The following CEP76 variants were observed in gnomAD, a reference collection of about 807,000 sequenced individuals.
CEP76 encodes centrosomal protein of 76 kDa.
CEP76 carries 55 observed loss-of-function variants against 83.3 expected under a neutral mutation model. That is an observed-to-expected ratio of 0.66 (90% CI 0.53 to 0.83). The LOEUF (loss-of-function observed/expected upper bound fraction) is 0.83. CEP76 is among the 40% of genes least tolerant of loss of function. The pLI, the probability that CEP76 is intolerant of heterozygous loss-of-function variation, is 0.00. For missense variants in CEP76, 694 were observed against 799.5 expected (o/e 0.87, Z 1.59); for synonymous variants, 270 against 274.5 (o/e 0.98, Z 0.16).
chr18:12,682,017 A>G (rs965226121), intron 8 of CEP76, among the ~76,000 whole-genome samples: 1 of 152,066 alleles, frequency 6.6e-6, no homozygotes, highest in Non-Finnish European at 1.5e-5. Context: ...AGAAAAAAAG[A>G]AAAGAAAATA....
At chr18:12,666,922 C>T (rs1204553595) in intron 12 of CEP76, among the ~76,000 whole-genome samples, 2 of 151,898 alleles carry the variant, frequency 1.3e-5, no homozygotes, top group Non-Finnish European at 2.9e-5. Flanking sequence ...AAAAGTAAAT[C>T]TTATTCATAA....
At chr18:12,702,414 C>G in intron 1 of CEP76, 72 bp downstream of exon 1, 1 of 1,223,582 alleles carries the variant, frequency 8.2e-7, no homozygotes, top group Non-Finnish European at 1.2e-6. Context: ...CGCTGTCGGC[C>G]CGGGGCCGCC....
At chr18:12,695,835 AAC>A (rs1568030509) in intron 5 of CEP76, among the ~76,000 whole-genome samples, 1 of 148,522 alleles carries the variant, frequency 6.7e-6, no homozygotes, top group African/African-American at 2.5e-5. Context: ...AGCAACTGTT[AAC>A]ACCTCATTCC....
At chr18:12,701,698 TC>T (rs2040155962) in intron 1 of CEP76, among the ~76,000 whole-genome samples, 1 of 152,142 alleles carries the variant, frequency 6.6e-6, no homozygotes, top group African/African-American at 2.4e-5. Flanking sequence ...AACTGGAGGT[TC>T]TTCTGGAGCT....
At chr18:12,688,654 T>G (rs1247998125) in intron 7 of CEP76, among the ~76,000 whole-genome samples, 1 of 152,208 alleles carries the variant, frequency 6.6e-6, no homozygotes, top group Non-Finnish European at 1.5e-5. Flanking sequence ...AACCTCTGAA[T>G]GGGCACTGTC....
chr18:12,689,783 T>C (rs565319625), intron 7 of CEP76, among the ~76,000 whole-genome samples: 1 of 152,168 alleles, frequency 6.6e-6, no homozygotes, highest in Admixed American at 6.6e-5. Context: ...TATATATGTA[T>C]ATTTTTTGTC....
At chr18:12,690,923 T>A (rs914795412) in intron 7 of CEP76, among the ~76,000 whole-genome samples, 2 of 150,568 alleles carry the variant, frequency 1.3e-5, no homozygotes, top group Non-Finnish European at 3.0e-5. Context: ...TAACAAAAAA[T>A]ATATATATGC....
At chr18:12,691,112 G>C (rs2039743168) in intron 7 of CEP76, 2 of 350,430 alleles carry the variant, frequency 5.7e-6, no homozygotes, top group Non-Finnish European at 1.0e-5. Flanking sequence ...CACAATAATT[G>C]ATTCAACCTG....
intron 12 of CEP76, among the ~76,000 whole-genome samples, chr18:12,667,291 C>CA (rs1568004352): frequency 2.0e-5 from 3 of 151,938 alleles, no homozygotes; most frequent in Admixed American, 6.6e-5. Flanking sequence ...CTTGTCTCTA[C>CA]AAAAAAATTT....
Position 12,673,147 on chromosome 18 carries a change from A to G in CEP76, c.*218T>C. 8.6e-7 allele frequency: 1 copy of G among 1,163,788 alleles called. No individual in the cohort carries two copies. Among genetic ancestry groups the G allele is most frequent in the South Asian group, 2.7e-5 (1 of 36,460 alleles). The allele number at this position is 1,163,788 out of a possible 1,614,324, so 72.1% of individuals were successfully genotyped here. ...AAAATAGAATATACACTTAATTTAT[A>G]CTAAATTCCAGGGAGATTTATACAA... On this transcript the variant is annotated 3_prime_UTR_variant, in exon 12 of 12. Coordinates refer to ENST00000262127, the MANE Select transcript of CEP76 (RefSeq NM_024899.4).
rs1351631133 is a variant in CEP76 at position 12,678,126 on chromosome 18, C to T, written c.1606G>A (p.Val536Met). 6.2e-7 allele frequency: 1 copy of T among 1,611,910 alleles called. No individual in the cohort carries two copies. Among genetic ancestry groups the T allele is most frequent in the Non-Finnish European group, 8.5e-7 (1 of 1,178,112 alleles). ...NEIEMQLRLL[V>M]SEHRKDLGLT... is the part of the protein sequence containing the mutation. The stretch of plus-strand genomic sequence containing the variant: ...TGAATTACCTTCCTGTGTTCTGACA[C>T]CAGGAGCCTCAGCTGCATTTCAATT... Residue 536 changes from valine (V) to methionine (M), a missense_variant, in exon 10 of 12, where the codon GTG becomes ATG. Transcript: ENST00000262127.
intron 12 of CEP76, among the ~76,000 whole-genome samples, chr18:12,664,475 G>A (rs1231676288): frequency 1.3e-5 from 2 of 151,780 alleles, no homozygotes; most frequent in Admixed American, 1.3e-4. Flanking sequence ...GCTTGAACCC[G>A]GGAGGCAGAG....
At chr18:12,679,549 C>T (rs1468884814) in intron 9 of CEP76, among the ~76,000 whole-genome samples, 2 of 152,064 alleles carry the variant, frequency 1.3e-5, no homozygotes, top group African/African-American at 2.4e-5. Flanking sequence ...CCTAATTTTT[C>T]GTGGCCATGT....
downstream of CEP76, chr18:12,671,134 G>T (rs60603836): frequency 1.2e-3 from 180 of 150,610 alleles, 2 homozygotes; most frequent in Admixed American, 0.012. Context: ...GAGAAATAGG[G>T]GGGGGTCTCT....
At chr18:12,700,787 G>A (rs1353329432) in intron 2 of CEP76, among the ~76,000 whole-genome samples, 171 bp downstream of exon 2, 3 of 152,106 alleles carry the variant, frequency 2.0e-5, no homozygotes, top group Admixed American at 6.5e-5. Flanking sequence ...AAACTATTCA[G>A]TATATTCAAG....
At chr18:12,699,498 T>A (rs1165338017) in intron 3 of CEP76, among the ~76,000 whole-genome samples, 2 of 152,194 alleles carry the variant, frequency 1.3e-5, no homozygotes, top group African/African-American at 2.4e-5. Context: ...TTATCCAACA[T>A]TCCTCCACCT....
downstream of CEP76, among the ~76,000 whole-genome samples, chr18:12,669,354 C>T (rs954140581): frequency 2.0e-5 from 3 of 151,974 alleles, no homozygotes; most frequent in Non-Finnish European, 2.9e-5. Context: ...TCAGGTGATC[C>T]GCCCGCCTTG....
chr18:12,690,939 GC>G (rs56296606), intron 7 of CEP76, among the ~76,000 whole-genome samples: 21 of 148,766 alleles, frequency 1.4e-4, no homozygotes, highest in Admixed American at 3.4e-4. Flanking sequence ...TATGCCCAGA[GC>G]CCCCCCCCGT....
intron 10 of CEP76, among the ~76,000 whole-genome samples, chr18:12,676,972 G>C (rs1344195636): frequency 1.3e-5 from 2 of 152,120 alleles, no homozygotes; most frequent in Non-Finnish European, 2.9e-5. Context: ...TAGGCATTTT[G>C]GATTCTAGTC....
Sources: allele counts gnomAD v4.1 joint callset (sites outside exome capture counted in the v4.1 genomes callset), GRCh38; gene constraint gnomAD v4.1.1; transcripts MANE v1.5; gene names NCBI Gene and HGNC (gene_info 2026-07-23, HGNC 2026-07-21).